The following TCERG1L variants were observed in gnomAD, a reference collection of about 807,000 sequenced individuals.
The protein encoded by TCERG1L is transcription elongation regulator 1 like.
TCERG1L carries 37 observed loss-of-function variants against 56.3 expected under a neutral mutation model. That is an observed-to-expected ratio of 0.66 (90% CI 0.51 to 0.87). The LOEUF is 0.87. Among genes scored for constraint, TCERG1L ranks in the 40% least tolerant of loss-of-function variants. The pLI is 0.00. For missense variants in TCERG1L, 799 were observed against 774.2 expected, an observed-to-expected ratio of 1.03 and a Z score of -0.38; for synonymous variants, 324 against 326.3, an observed-to-expected ratio of 0.99 and a Z score of 0.08.
At chr10:131,133,118 C>G (rs934536842) in intron 8 of TCERG1L, among the ~76,000 whole-genome samples, 2 of 152,188 alleles carry the variant, frequency 1.3e-5, no homozygotes, top group Non-Finnish European at 2.9e-5. Context: ...TCCATCGGCA[C>G]CCAGCAGAGA....
At chr10:131,183,510 T>C (rs1385694263) in intron 4 of TCERG1L, among the ~76,000 whole-genome samples, 1 of 152,160 alleles carries the variant, frequency 6.6e-6, no homozygotes, top group Admixed American at 6.5e-5. Flanking sequence ...ACCTGGGGCT[T>C]CTCTCGTATT....
chr10:131,163,346 C>T (rs1330263671), intron 5 of TCERG1L, 136 bp from the exon 6 acceptor site: 22 of 657,798 alleles, frequency 3.3e-5, no homozygotes, highest in East Asian at 1.5e-4. Flanking sequence ...GACCTCAGCA[C>T]GGCAGCGCCT....
intron 4 of TCERG1L, among the ~76,000 whole-genome samples, chr10:131,178,355 A>G (rs947291519): frequency 1.3e-5 from 2 of 152,200 alleles, no homozygotes; most frequent in Admixed American, 1.3e-4. Flanking sequence ...TTGTATCTGA[A>G]TGTCTCTTGT....
chr10:131,119,611 A>G (rs1335569447), intron 8 of TCERG1L, among the ~76,000 whole-genome samples: 1 of 152,250 alleles, frequency 6.6e-6, no homozygotes, highest in East Asian at 1.9e-4. Flanking sequence ...TACTCTGTGC[A>G]GGGCTGCCGC....
chr10:131,140,113 A>C (rs1156419818), intron 7 of TCERG1L, among the ~76,000 whole-genome samples: 5 of 152,196 alleles, frequency 3.3e-5, no homozygotes, highest in Non-Finnish European at 7.3e-5. Flanking sequence ...TTCAGATGGG[A>C]TCCTAGGCAC....
intron 3 of TCERG1L, among the ~76,000 whole-genome samples, chr10:131,291,559 TG>T (rs1846626699): frequency 6.6e-6 from 1 of 151,116 alleles, no homozygotes. Flanking sequence ...CCCAAGTAGC[TG>T]GGACTACAGG....
chr10:131,164,429 C>T (rs1269496583), intron 5 of TCERG1L, among the ~76,000 whole-genome samples: 1 of 152,222 alleles, frequency 6.6e-6, no homozygotes, highest in Non-Finnish European at 1.5e-5. Context: ...TAACCAAATT[C>T]TTACCAGTAG....
chr10:131,290,777 CACTT>C (rs1469933252), intron 3 of TCERG1L, among the ~76,000 whole-genome samples: 42 of 77,396 alleles, frequency 5.4e-4, no homozygotes, highest in Admixed American at 1.7e-3. Flanking sequence ...TTCACGTAAA[CACTT>C]ACCACATTGG....
chr10:131,190,421 A>AGCTACTCCCCAACC (rs1357510566), intron 4 of TCERG1L, among the ~76,000 whole-genome samples: 1 of 146,450 alleles, frequency 6.8e-6, no homozygotes, highest in African/African-American at 2.5e-5. Context: ...AAATCATTCT[A>AGCTACTCCCCAACC]TGAAGCTAGT....
chr10:131,233,967 A>G (rs1845880948), intron 4 of TCERG1L, among the ~76,000 whole-genome samples: 1 of 152,190 alleles, frequency 6.6e-6, no homozygotes, highest in Non-Finnish European at 1.5e-5. Context: ...TAAAGTCAGG[A>G]TGCCTCTTGG....
intron 4 of TCERG1L, among the ~76,000 whole-genome samples, chr10:131,254,977 G>A (rs777649969): frequency 3.3e-5 from 5 of 152,178 alleles, no homozygotes; most frequent in Non-Finnish European, 7.3e-5. Flanking sequence ...TAGAGCTCCA[G>A]GAGGAGGCAG....
At chr10:131,292,628 A>T (rs1252283470) in intron 3 of TCERG1L, among the ~76,000 whole-genome samples, 1 of 151,960 alleles carries the variant, frequency 6.6e-6, no homozygotes, top group Non-Finnish European at 1.5e-5. Context: ...AGTCTGGGAG[A>T]TTTTACCACT....
At chr10:131,099,859 TTTTCTTTTC>T (rs144802713) in intron 10 of TCERG1L, among the ~76,000 whole-genome samples, 1,710 of 152,256 alleles carry the variant, frequency 0.011, 28 homozygotes, top group African/African-American at 0.039. Context: ...TTGGCTTCTT[TTTTCTTTTC>T]TTTCTTTTTT....
intron 4 of TCERG1L, among the ~76,000 whole-genome samples, chr10:131,237,569 TA>T (rs1451161202): frequency 1.3e-5 from 2 of 152,036 alleles, no homozygotes; most frequent in African/African-American, 4.8e-5. Flanking sequence ...TCGGATTAGA[TA>T]AAATTTCAGA....
chr10:131,255,418 G>T (rs1846155945), intron 4 of TCERG1L, among the ~76,000 whole-genome samples: 5 of 152,218 alleles, frequency 3.3e-5, no homozygotes, highest in Admixed American at 2.6e-4. Context: ...TATGCATATG[G>T]TAAACATATA....
chr10:131,181,462 C>G (rs1317314400), intron 4 of TCERG1L, among the ~76,000 whole-genome samples: 1 of 152,280 alleles, frequency 6.6e-6, no homozygotes, highest in African/African-American at 2.4e-5. Flanking sequence ...GATTCAATTT[C>G]TCCATCAACT....
intron 4 of TCERG1L, among the ~76,000 whole-genome samples, chr10:131,236,171 G>A (rs779518595): frequency 3.3e-5 from 5 of 152,158 alleles, no homozygotes; most frequent in Non-Finnish European, 7.3e-5. Context: ...TTAGCCTTTC[G>A]ATCTTGTTAT....
intron 4 of TCERG1L, among the ~76,000 whole-genome samples, chr10:131,246,239 G>A (rs207471605): frequency 6.6e-6 from 1 of 152,220 alleles, no homozygotes; most frequent in African/African-American, 2.4e-5. Flanking sequence ...GGCTTTCTGG[G>A]GGTGGCACGA....
chr10:131,151,701 G>T (rs1448966125), intron 6 of TCERG1L, among the ~76,000 whole-genome samples: 1 of 152,210 alleles, frequency 6.6e-6, no homozygotes, highest in African/African-American at 2.4e-5. Flanking sequence ...TGCCCCAGTA[G>T]AGACTCTGTG....
Sources: allele counts gnomAD v4.1 joint callset (sites outside exome capture counted in the v4.1 genomes callset), GRCh38; gene constraint gnomAD v4.1.1; transcripts MANE v1.5; gene names NCBI Gene and HGNC (gene_info 2026-07-23, HGNC 2026-07-21).